Variants in SLIT2 observed in about 807,000 individuals in gnomAD.
The protein encoded by SLIT2 is slit homolog 2 protein.
A neutral mutation model predicts 185.7 loss-of-function variants in SLIT2; 41 were observed. The ratio of observed to expected loss-of-function variants is 0.22; its 90% CI spans 0.17 to 0.29. The LOEUF is 0.29. SLIT2 is among the 10% of genes least tolerant of loss of function. SLIT2 has a pLI of 1.00. For synonymous variants in SLIT2, 693 were observed against 680.2 expected (o/e 1.02, Z -0.29); for missense variants, 1,571 against 1,909.0 (o/e 0.82, Z 3.30).
rs745928620 is a variant in SLIT2 at position 20,524,085 on chromosome 4, C to T, written c.1346C>T (p.Pro449Leu). Residue 449 changes from proline to leucine, a missense_variant, in exon 14 of 37, where the codon CCG (proline) becomes CTG (leucine). Pro to Leu is a moderately conservative substitution (Grantham distance 98, BLOSUM62 -3). Transcript: ENST00000504154. ...KWLADYLHTN[P>L]IETSGARCTS... The stretch of plus-strand genomic sequence containing the variant: ...CTAGCGGATTATCTCCATACCAACC[C>T]GATTGAGACCAGTGGTGCCCGTTGC... The T allele has an allele frequency of 3.7e-6, 6 of 1,614,014 alleles. No homozygotes were observed. The Admixed American group carries it at 1.0e-4, about 27-fold the overall frequency.
chr4:20,548,481 C>CTA lies in SLIT2; in HGVS notation c.2346-6_2346-5insAT. ...AATAGTGTACTCCATTTCTTTTTCT[C>CTA]TTTTAGAGACTTAAGTAACAACAGA... On this transcript the variant is annotated splice_polypyrimidine_tract_variant and splice_region_variant and intron_variant, in intron 22 of 36. Transcript: ENST00000504154. 1 of 1,527,920 alleles carries CTA rather than the reference C, an allele frequency of 6.5e-7. No homozygotes were observed. Among genetic ancestry groups the CTA allele is most frequent in the South Asian group, 1.1e-5 (1 of 88,884 alleles). The allele number at this position is 1,527,920 out of a possible 1,614,324, so 94.6% of individuals were successfully genotyped here.
At chr4:20,588,073 A>G (rs1381947867) in intron 29 of SLIT2, among the ~76,000 whole-genome samples, 1 of 152,230 alleles carries the variant, frequency 6.6e-6, no homozygotes, top group Non-Finnish European at 1.5e-5. Flanking sequence ...TGATGAATGC[A>G]TTTCATCAAG....
intron 29 of SLIT2, among the ~76,000 whole-genome samples, chr4:20,571,568 GAGTTTTATATC>G (rs1725608064): frequency 6.6e-6 from 1 of 152,138 alleles, no homozygotes; most frequent in Non-Finnish European, 1.5e-5. Flanking sequence ...TGAGGCTCTA[GAGTTTTATATC>G]CTACTTCATC....
chr4:20,432,322 G>A (rs1407632471), intron 4 of SLIT2, among the ~76,000 whole-genome samples: 5 of 152,100 alleles, frequency 3.3e-5, no homozygotes, highest in Non-Finnish European at 5.9e-5. Flanking sequence ...GATTAGGGGC[G>A]TTACGAAGGG....
At chr4:20,415,750 T>C (rs547026445) in intron 4 of SLIT2, among the ~76,000 whole-genome samples, 1 of 152,334 alleles carries the variant, frequency 6.6e-6, no homozygotes, top group South Asian at 2.1e-4. Context: ...CATGAAAGCT[T>C]GAACCTTAGT....
intron 29 of SLIT2, among the ~76,000 whole-genome samples, chr4:20,586,523 C>T (rs1727078099): frequency 6.6e-6 from 1 of 152,126 alleles, no homozygotes; most frequent in Non-Finnish European, 1.5e-5. Context: ...CAGATAAACA[C>T]CAGTAATATA....
intron 4 of SLIT2, among the ~76,000 whole-genome samples, chr4:20,376,230 A>G (rs141113163): frequency 6.0e-5 from 9 of 151,156 alleles, no homozygotes; most frequent in Admixed American, 4.6e-4. Flanking sequence ...ATATCACACA[A>G]CATGGACCTC....
At chr4:20,337,442 A>G (rs913964776) in intron 4 of SLIT2, among the ~76,000 whole-genome samples, 6 of 151,772 alleles carry the variant, frequency 4.0e-5, no homozygotes, top group Non-Finnish European at 8.8e-5. Flanking sequence ...TACCCAGCAC[A>G]GTCAGTCCTT....
rs372841941 is a variant in SLIT2 at position 20,477,220 on chromosome 4, G to GTT, written c.468-3493_468-3492dup. Among the ~76,000 whole-genome samples the GTT allele has an allele frequency of 1.6e-3, 241 of 148,840 alleles. 1 individual carries two copies. Among genetic ancestry groups the GTT allele is most frequent in the Middle Eastern group, 0.014 (4 of 290 alleles). The stretch of plus-strand genomic sequence containing the variant: ...ATTTTTTTTTTTTTTAAGACATGGA[G>GTT]TTTTGCTCTTGTTGCCCAGGTGGGA... On this transcript the variant is annotated intron_variant, in intron 5 of 36. Transcript: ENST00000504154.
chr4:20,419,790 G>T (rs1314171653), intron 4 of SLIT2, among the ~76,000 whole-genome samples: 1 of 151,474 alleles, frequency 6.6e-6, no homozygotes, highest in East Asian at 1.9e-4. Flanking sequence ...TTGCATTAAA[G>T]TTGAATATTA....
chr4:20,268,290 TCTC>T (rs930801808), intron 3 of SLIT2, among the ~76,000 whole-genome samples: 45 of 151,938 alleles, frequency 3.0e-4, no homozygotes, highest in African/African-American at 1.1e-3. Flanking sequence ...GGGTTGGTAT[TCTC>T]CTGATTTTGC....
intron 4 of SLIT2, among the ~76,000 whole-genome samples, chr4:20,465,797 A>G (rs981653752): frequency 5.3e-5 from 8 of 152,074 alleles, no homozygotes; most frequent in African/African-American, 1.9e-4. Flanking sequence ...CTCTACTTCC[A>G]TGACTCTAAG....
intron 22 of SLIT2, among the ~76,000 whole-genome samples, chr4:20,546,305 C>G (rs1394050489): frequency 2.0e-5 from 3 of 151,958 alleles, no homozygotes; most frequent in Non-Finnish European, 4.4e-5. Context: ...AAGAGGTCCT[C>G]CTCTATTCAA....
At chr4:20,552,138 G>A (rs903032605) in intron 25 of SLIT2, among the ~76,000 whole-genome samples, 2 of 152,158 alleles carry the variant, frequency 1.3e-5, no homozygotes, top group African/African-American at 4.8e-5. Context: ...TATGAAGGAA[G>A]CTACTAGCTC....
chr4:20,492,654 A>G (rs1717883441), intron 9 of SLIT2, among the ~76,000 whole-genome samples: 1 of 152,192 alleles, frequency 6.6e-6, no homozygotes, highest in Non-Finnish European at 1.5e-5. Context: ...CACCCAGCCC[A>G]TTATATTATT....
At position 20,401,407 on chromosome 4, in the gene SLIT2, G is replaced by A. The variant is rs139839615; in HGVS notation, c.396-66345G>A. Among the ~76,000 whole-genome samples the A allele has an allele frequency of 9.1e-4, 138 of 151,972 alleles. 1 individual carries two copies. The highest frequency in any genetic ancestry group is 3.1e-3 in the African/African-American group (128 of 41,520). On this transcript the variant is annotated intron_variant, in intron 4 of 36. Transcript: ENST00000504154. ...TTCCTTTTTAACTATCTGGCTTCCT[G>A]CTTTGTGCTTCATTTGCTTCTCCTC...
intron 4 of SLIT2, among the ~76,000 whole-genome samples, chr4:20,357,401 G>C (rs900368899): frequency 1.6e-4 from 24 of 152,034 alleles, no homozygotes; most frequent in African/African-American, 5.8e-4. Flanking sequence ...ACTTGTCTCT[G>C]CTATTTTCTC....
intron 20 of SLIT2, 51 bp downstream of exon 20, chr4:20,541,670 C>G: frequency 6.9e-7 from 1 of 1,442,412 alleles, no homozygotes; most frequent in Non-Finnish European, 9.7e-7. Context: ...CATGCCTGTT[C>G]TGATGCAGCT....
chr4:20,379,423 A>T (rs1724306835), intron 4 of SLIT2, among the ~76,000 whole-genome samples: 1 of 152,176 alleles, frequency 6.6e-6, no homozygotes, highest in Non-Finnish European at 1.5e-5. Context: ...ATGTCGCCTT[A>T]TCCAACTATT....
Sources: gnomAD v4.1 joint callset for allele counts (sites outside exome capture counted in the v4.1 genomes callset) on GRCh38, gnomAD v4.1.1 for gene constraint, MANE v1.5 for transcripts, NCBI Gene and HGNC (gene_info 2026-07-23, HGNC 2026-07-21) for gene names.